The following ADAMTS18 variants were observed in gnomAD, a reference collection of about 807,000 sequenced individuals.
ADAMTS18 encodes the protein ADAM metallopeptidase with thrombospondin type 1 motif 18.
ADAMTS18 carries 157 observed loss-of-function variants against 165.9 expected under a neutral mutation model. That is an observed-to-expected ratio of 0.95 (90% CI 0.83 to 1.08). The LOEUF (loss-of-function observed/expected upper bound fraction) is 1.08. Ranked by LOEUF, ADAMTS18 falls within the 50% of genes least tolerant of loss-of-function variation. The pLI, the probability that ADAMTS18 is intolerant of heterozygous loss-of-function variation, is 0.00. For missense variants in ADAMTS18, 2,040 were observed against 1,534.0 expected (o/e 1.33, Z -5.51); for synonymous variants, 782 against 578.2 (o/e 1.35, Z -5.06).
chr16:77,350,618 C>A (rs2056541800), intron 10 of ADAMTS18, among the ~76,000 whole-genome samples: 2 of 152,108 alleles, frequency 1.3e-5, no homozygotes, highest in South Asian at 4.1e-4. Flanking sequence ...ACTCCCAAAT[C>A]CAGAGATTTG....
At chr16:77,327,417 T>C (rs1015739804) in intron 12 of ADAMTS18, among the ~76,000 whole-genome samples, 2 of 152,270 alleles carry the variant, frequency 1.3e-5, no homozygotes, top group East Asian at 3.9e-4. Flanking sequence ...CACATATGAA[T>C]GAGAACATAC....
intron 16 of ADAMTS18, among the ~76,000 whole-genome samples, chr16:77,319,450 T>C (rs1345041740): frequency 6.6e-6 from 1 of 152,146 alleles, no homozygotes; most frequent in Non-Finnish European, 1.5e-5. Flanking sequence ...CCTTTTGTTG[T>C]TGTTGTTGTT....
chr16:77,421,581 T>A (rs1203646507), intron 3 of ADAMTS18, among the ~76,000 whole-genome samples: 1 of 152,362 alleles, frequency 6.6e-6, no homozygotes, highest in East Asian at 1.9e-4. Context: ...GGCACTGCCC[T>A]AGGCTCATGG....
At chr16:77,308,975 A>C (rs1375847957) in intron 16 of ADAMTS18, among the ~76,000 whole-genome samples, 4 of 152,236 alleles carry the variant, frequency 2.6e-5, no homozygotes, top group Non-Finnish European at 5.9e-5. Flanking sequence ...AGTCACTGAT[A>C]CATAATATCC....
intron 16 of ADAMTS18, among the ~76,000 whole-genome samples, chr16:77,311,662 T>A (rs115259375): frequency 0.011 from 1,624 of 151,202 alleles, 25 homozygotes; most frequent in African/African-American, 0.037. Context: ...CCTAAATTAT[T>A]TGAAAAGATA....
intron 3 of ADAMTS18, among the ~76,000 whole-genome samples, chr16:77,411,018 C>T (rs7202178): frequency 5.5e-4 from 84 of 152,266 alleles, no homozygotes; most frequent in African/African-American, 2.0e-3. Flanking sequence ...CAACTGAAAC[C>T]CTCATTTTCC....
chr16:77,408,663 G>C (rs988922434), intron 3 of ADAMTS18, among the ~76,000 whole-genome samples: 2 of 152,184 alleles, frequency 1.3e-5, no homozygotes, highest in African/African-American at 4.8e-5. Flanking sequence ...CTAACCTTCA[G>C]TGACAGAAGT....
chr16:77,314,134 G>A (rs960822191), intron 16 of ADAMTS18, among the ~76,000 whole-genome samples: 7 of 152,148 alleles, frequency 4.6e-5, no homozygotes, highest in African/African-American at 9.6e-5. Flanking sequence ...TTTGAGGGAC[G>A]TCCACCAAAC....
chr16:77,338,669 C>T (rs919673206), intron 11 of ADAMTS18, among the ~76,000 whole-genome samples: 16 of 152,030 alleles, frequency 1.1e-4, no homozygotes, highest in Non-Finnish European at 2.1e-4. Flanking sequence ...AAGTAAGTGG[C>T]TTGGCCGGGC....
At chr16:77,434,282 A>C (rs1295355540) in intron 2 of ADAMTS18, 136 bp downstream of exon 2, 3 of 1,057,766 alleles carry the variant, frequency 2.8e-6, no homozygotes, top group Non-Finnish European at 4.1e-6. Flanking sequence ...CCCCCTCTCC[A>C]AACAGGAACC....
intron 12 of ADAMTS18, among the ~76,000 whole-genome samples, chr16:77,329,538 G>A (rs2056153321): frequency 6.6e-6 from 1 of 152,170 alleles, no homozygotes; most frequent in Non-Finnish European, 1.5e-5. Context: ...ATGTAGGGCA[G>A]TATCTAGGGC....
At chr16:77,288,546 G>T (rs1310279606) in intron 22 of ADAMTS18, among the ~76,000 whole-genome samples, 4 of 152,052 alleles carry the variant, frequency 2.6e-5, no homozygotes, top group East Asian at 1.9e-4. Context: ...AGTACTCACT[G>T]CACTTCCCTT....
At chr16:77,294,867 C>G (rs2144576697) in intron 19 of ADAMTS18, 56 bp downstream of exon 19, 3 of 1,553,324 alleles carry the variant, frequency 1.9e-6, no homozygotes, top group Non-Finnish European at 1.8e-6. Context: ...AAAGACACCT[C>G]TACTTTTGCC....
At chr16:77,387,917 T>C (rs1052557820) in intron 3 of ADAMTS18, among the ~76,000 whole-genome samples, 4 of 152,216 alleles carry the variant, frequency 2.6e-5, no homozygotes, top group Non-Finnish European at 5.9e-5. Flanking sequence ...AGATGGTGCC[T>C]GCTCCTGTAT....
intron 7 of ADAMTS18, 30 bp downstream of exon 7, chr16:77,362,075 G>C (rs754794105): frequency 6.2e-7 from 1 of 1,612,842 alleles, no homozygotes; most frequent in South Asian, 1.1e-5. Flanking sequence ...CAGCTAACAG[G>C]TGTGTGTGAA....
At chr16:77,307,568 T>C (rs2055704042) in intron 16 of ADAMTS18, among the ~76,000 whole-genome samples, 1 of 152,178 alleles carries the variant, frequency 6.6e-6, no homozygotes, top group South Asian at 2.1e-4. Context: ...CAAAAGTATT[T>C]GCCATGAATT....
At chr16:77,332,296 A>G (rs780353840) in intron 12 of ADAMTS18, among the ~76,000 whole-genome samples, 3 of 152,148 alleles carry the variant, frequency 2.0e-5, no homozygotes, top group African/African-American at 7.2e-5. Flanking sequence ...ACATTCTTCA[A>G]AAGTCAGTTT....
intron 14 of ADAMTS18, among the ~76,000 whole-genome samples, chr16:77,321,510 A>G (rs1407983347): frequency 1.3e-5 from 2 of 152,202 alleles, no homozygotes; most frequent in African/African-American, 2.4e-5. Flanking sequence ...TAACTCAAAT[A>G]TGAAAATGCT....
intron 16 of ADAMTS18, 143 bp from the exon 17 acceptor site, chr16:77,300,547 A>G: frequency 1.0e-6 from 1 of 981,634 alleles, no homozygotes; most frequent in East Asian, 2.6e-5. Context: ...AGTATGTTTT[A>G]TGTTGACTTA....
Sources: allele counts gnomAD v4.1 joint callset (sites outside exome capture counted in the v4.1 genomes callset), GRCh38; gene constraint gnomAD v4.1.1; transcripts MANE v1.5; gene names NCBI Gene and HGNC (gene_info 2026-07-23, HGNC 2026-07-21).